ARID1B: variants seen among roughly 807,000 people sequenced by gnomAD.
ARID1B encodes AT-rich interaction domain 1B.
In ARID1B, 30 loss-of-function variants were observed where a neutral mutation model predicts 212.3. That is an observed-to-expected ratio of 0.14 (90% CI 0.11 to 0.19). The LOEUF (loss-of-function observed/expected upper bound fraction) is 0.19, where lower values mean the gene tolerates loss of function less well. Ranked by LOEUF, ARID1B falls within the 10% of genes least tolerant of loss-of-function variation. The probability of loss-of-function intolerance (pLI) is 1.00; values close to 1 mark genes in which losing one functional copy is unlikely to be tolerated. For synonymous variants in ARID1B, 1,402 were observed against 1,301.7 expected (o/e 1.08, Z -1.66); for missense variants, 2,891 against 3,204.0 (o/e 0.90, Z 2.36).
chr6:157,008,885 A>G (rs1019829846), intron 4 of ARID1B, among the ~76,000 whole-genome samples: 2 of 152,160 alleles, frequency 1.3e-5, no homozygotes, highest in African/African-American at 4.8e-5. Flanking sequence ...TGACGCTAGC[A>G]CACCCACCTT....
intron 2 of ARID1B, among the ~76,000 whole-genome samples, chr6:156,880,762 AAAG>A (rs1280837971): frequency 4.4e-5 from 4 of 90,806 alleles, no homozygotes; most frequent in Admixed American, 9.7e-5. Flanking sequence ...AAAAAAAAAA[AAAG>A]AAAAGAAAAG....
At chr6:156,875,345 A>G (rs1445168141) in intron 2 of ARID1B, among the ~76,000 whole-genome samples, 1 of 152,236 alleles carries the variant, frequency 6.6e-6, no homozygotes, top group East Asian at 1.9e-4. Flanking sequence ...CTTTCTTCAT[A>G]TCTGCATCCA....
At chr6:157,098,032 A>C (rs1785776574) in intron 5 of ARID1B, among the ~76,000 whole-genome samples, 1 of 152,210 alleles carries the variant, frequency 6.6e-6, no homozygotes, top group Non-Finnish European at 1.5e-5. Context: ...CACTATACCC[A>C]TTTCTTCAGA....
intron 4 of ARID1B, among the ~76,000 whole-genome samples, chr6:157,055,290 T>C (rs2128389551): frequency 6.6e-6 from 1 of 152,382 alleles, no homozygotes; most frequent in East Asian, 1.9e-4. Context: ...ATCATTAGTT[T>C]ACCCATCTTA....
At chr6:156,933,241 TAA>T (rs35797154) in intron 3 of ARID1B, among the ~76,000 whole-genome samples, 2 of 146,822 alleles carry the variant, frequency 1.4e-5, no homozygotes, top group African/African-American at 2.5e-5. Flanking sequence ...AAGTTTACTT[TAA>T]AAAAAAAAAA....
chr6:157,004,499 G>A (rs906189696), intron 4 of ARID1B, among the ~76,000 whole-genome samples: 3 of 152,118 alleles, frequency 2.0e-5, no homozygotes, highest in Non-Finnish European at 4.4e-5. Context: ...AAAAAGGCTC[G>A]AAGAACACTG....
rs1554299919 is a variant in ARID1B at position 157,123,247 on chromosome 6, C to CACA, written c.2582-9781_2582-9780insACA. On this transcript the variant is annotated intron_variant, in intron 6 of 19. Transcript: ENST00000636930. ...CTCCCCCCCGCCCCCCGCCCCCCCCCCACACACACACAAGCAAACTCTGGG... is the reference window on the plus strand; with the variant it reads ...CTCCCCCCCGCCCCCCGCCCCCCCCCACACACACACACACAAGCAAACTCTGGG... Among the ~76,000 whole-genome samples, 120 of 111,830 alleles carry CACA rather than the reference C, an allele frequency of 1.1e-3. 2 individuals carry two copies. Among genetic ancestry groups the CACA allele is most frequent in the Non-Finnish European group, 1.6e-3 (89 of 54,088 alleles). The allele number at this position is 111,830 out of a possible 152,430, so 73.4% of individuals were successfully genotyped here.
intron 19 of ARID1B, chr6:157,204,199 C>A: frequency 1.7e-6 from 1 of 583,846 alleles, no homozygotes; most frequent in Non-Finnish European, 3.0e-6. Context: ...TGTACACACA[C>A]ATACCTCTAT....
At chr6:157,120,688 G>A (rs1787649627) in intron 6 of ARID1B, among the ~76,000 whole-genome samples, 6 of 152,180 alleles carry the variant, frequency 3.9e-5, no homozygotes, top group African/African-American at 9.7e-5. Context: ...GTATGTAACC[G>A]TGGCACACAC....
intron 2 of ARID1B, among the ~76,000 whole-genome samples, chr6:156,871,371 C>T (rs1275781432): frequency 1.3e-5 from 2 of 152,220 alleles, no homozygotes; most frequent in East Asian, 3.8e-4. Flanking sequence ...TTCTTGTTCA[C>T]TTATGCTATG....
intron 4 of ARID1B, among the ~76,000 whole-genome samples, chr6:157,000,650 A>G (rs1778852181): frequency 6.7e-6 from 1 of 149,226 alleles, no homozygotes; most frequent in Non-Finnish European, 1.5e-5. Flanking sequence ...TCCTCCAATA[A>G]TTATGATGGA....
At chr6:156,837,642 A>G (rs906912696) in intron 2 of ARID1B, among the ~76,000 whole-genome samples, 1 of 152,202 alleles carries the variant, frequency 6.6e-6, no homozygotes, top group Non-Finnish European at 1.5e-5. Flanking sequence ...ATTTGCCCTT[A>G]TTATAATTTT....
At chr6:157,137,268 A>T (rs1455173761) in intron 7 of ARID1B, among the ~76,000 whole-genome samples, 1 of 152,254 alleles carries the variant, frequency 6.6e-6, no homozygotes, top group Non-Finnish European at 1.5e-5. Flanking sequence ...TGAATTTTTA[A>T]ATAAATGAAG....
intron 3 of ARID1B, among the ~76,000 whole-genome samples, chr6:156,921,626 A>T (rs1489290265): frequency 6.6e-6 from 1 of 152,166 alleles, no homozygotes; most frequent in South Asian, 2.1e-4. Flanking sequence ...TTTTTAGTAT[A>T]TTGTTTTTCT....
intron 4 of ARID1B, among the ~76,000 whole-genome samples, chr6:156,966,212 G>A (rs1794728351): frequency 6.6e-6 from 1 of 152,034 alleles, no homozygotes; most frequent in Non-Finnish European, 1.5e-5. Flanking sequence ...ATTCCTATAA[G>A]TGTGCAGATA....
At chr6:156,871,834 G>T (rs1414901988) in intron 2 of ARID1B, among the ~76,000 whole-genome samples, 1 of 152,060 alleles carries the variant, frequency 6.6e-6, no homozygotes, top group Non-Finnish European at 1.5e-5. Context: ...GTCCTTCCAG[G>T]GCCTCCTGGG....
rs530326168 is a variant in ARID1B at position 157,149,017 on chromosome 6, G to A, written c.3089+66G>A. ...TGTCTACCCGTGACCACGTGACTGC[G>A]CACATAGCTGCATTGTTCCCTGGGG... On this transcript the variant is annotated intron_variant, in intron 8 of 19. Coordinates refer to ENST00000636930, the MANE Select transcript of ARID1B (RefSeq NM_001374828.1). 2.4e-5 allele frequency: 35 copies of A among 1,462,780 alleles called. No individual in the cohort carries two copies. In the East Asian group the frequency reaches 5.1e-4, roughly 21 times the overall value. The allele number at this position is 1,462,780 out of a possible 1,614,324, so 90.6% of individuals were successfully genotyped here.
chr6:156,946,770 G>A (rs1341350986), intron 4 of ARID1B, among the ~76,000 whole-genome samples: 3 of 152,152 alleles, frequency 2.0e-5, no homozygotes, highest in African/African-American at 4.8e-5. Flanking sequence ...TGTTGGTGGC[G>A]TTGCTGACAA....
chr6:157,012,043 C>T (rs1779644643), intron 4 of ARID1B, among the ~76,000 whole-genome samples: 1 of 152,152 alleles, frequency 6.6e-6, no homozygotes, highest in Non-Finnish European at 1.5e-5. Context: ...TATAAAATAG[C>T]AATTTAGCAA....
Sources: gnomAD v4.1 joint callset for allele counts (sites outside exome capture counted in the v4.1 genomes callset) on GRCh38, gnomAD v4.1.1 for gene constraint, MANE v1.5 for transcripts, NCBI Gene and HGNC (gene_info 2026-07-23, HGNC 2026-07-21) for gene names.